XYLT1: variants seen among roughly 807,000 people sequenced by gnomAD.
The protein encoded by XYLT1 is xylosyltransferase 1.
A neutral mutation model predicts 91.3 loss-of-function variants in XYLT1; 36 were observed. That is an observed-to-expected ratio of 0.39 (90% CI 0.30 to 0.52). The LOEUF is 0.52. Ranked by LOEUF, XYLT1 falls within the 20% of genes least tolerant of loss-of-function variation. The pLI, the probability that XYLT1 is intolerant of heterozygous loss-of-function variation, is 0.68. For missense variants in XYLT1, 1,242 were observed against 1,284.5 expected (o/e 0.97, Z 0.51); for synonymous variants, 588 against 532.0 (o/e 1.11, Z -1.45).
At chr16:17,318,267 G>A (rs2034666227) in intron 2 of XYLT1, among the ~76,000 whole-genome samples, 1 of 152,176 alleles carries the variant, frequency 6.6e-6, no homozygotes, top group African/African-American at 2.4e-5. Context: ...CCAAAGCCGG[G>A]GCTCTTAACC....
At chr16:17,184,329 G>A (rs117771778) in intron 5 of XYLT1, among the ~76,000 whole-genome samples, 3 of 151,908 alleles carry the variant, frequency 2.0e-5, no homozygotes, top group Non-Finnish European at 4.4e-5. Flanking sequence ...GGAGAGGGAG[G>A]GATTCGGAAG....
intron 1 of XYLT1, among the ~76,000 whole-genome samples, chr16:17,402,265 A>T (rs1203574011): frequency 6.6e-6 from 1 of 152,084 alleles, no homozygotes; most frequent in African/African-American, 2.4e-5. Flanking sequence ...GGCTGCAGTG[A>T]GCCGTCATTG....
chr16:17,217,083 C>G (rs1448100362), intron 3 of XYLT1, among the ~76,000 whole-genome samples: 1 of 152,184 alleles, frequency 6.6e-6, no homozygotes, highest in Admixed American at 6.5e-5. Context: ...CAACAGGGTT[C>G]ACAACAGTGG....
intron 6 of XYLT1, among the ~76,000 whole-genome samples, chr16:17,152,738 G>A (rs2031311136): frequency 6.6e-6 from 1 of 152,196 alleles, no homozygotes; most frequent in African/African-American, 2.4e-5. Context: ...GCTGCCTCTG[G>A]CAGATGGGGT....
intron 8 of XYLT1, among the ~76,000 whole-genome samples, chr16:17,136,883 G>A (rs950016180): frequency 6.6e-6 from 1 of 152,080 alleles, no homozygotes; most frequent in Non-Finnish European, 1.5e-5. Flanking sequence ...GTGCCTGGGG[G>A]AGTGCAGGGC....
intron 1 of XYLT1, among the ~76,000 whole-genome samples, chr16:17,460,861 G>C (rs2036810759): frequency 6.6e-6 from 1 of 152,206 alleles, no homozygotes; most frequent in Non-Finnish European, 1.5e-5. Flanking sequence ...CCATGGATTT[G>C]AAAGTCCTCC....
intron 1 of XYLT1, among the ~76,000 whole-genome samples, chr16:17,448,224 C>G (rs1381111583): frequency 6.6e-6 from 1 of 152,130 alleles, no homozygotes; most frequent in Non-Finnish European, 1.5e-5. Context: ...AAAAATTAGC[C>G]AGGCGTGATG....
chr16:17,211,540 A>G (rs2032756866), intron 3 of XYLT1, among the ~76,000 whole-genome samples: 1 of 152,200 alleles, frequency 6.6e-6, no homozygotes, highest in African/African-American at 2.4e-5. Context: ...TTCACTCATG[A>G]GGCTTTTACC....
rs143943003 is a variant in XYLT1 at position 17,138,163 on chromosome 16, G to GGTTAGAACATCCCTGAA, written c.1764+175_1764+191dup. 86,536 of 588,726 alleles carry GGTTAGAACATCCCTGAA rather than the reference G, an allele frequency of 0.15. 8,521 individuals carry two copies. Among genetic ancestry groups the GGTTAGAACATCCCTGAA allele is most frequent in the Admixed American group, 0.28 (9,158 of 33,026 alleles). 36.5% of individuals were successfully genotyped at this position (588,726 alleles called of 1,614,324 possible). A position where few individuals can be genotyped will look rare whatever the true frequency, so the allele number is the denominator to read the frequency against. ...TGTTTTTGGGTTAATGAGTCAATGT[G>GGTTAGAACATCCCTGAA]GTTAGAACATCCCTGAAGTAAGTGC... On this transcript the variant is annotated intron_variant, in intron 8 of 11. Transcript: ENST00000261381.
intron 9 of XYLT1, among the ~76,000 whole-genome samples, chr16:17,129,656 A>AG (rs2030397399): frequency 3.9e-5 from 6 of 152,304 alleles, no homozygotes; most frequent in African/African-American, 1.4e-4. Context: ...AGACTTTGGG[A>AG]AAGCTGTCTC....
At chr16:17,117,201 C>T (rs7199521) in intron 11 of XYLT1, among the ~76,000 whole-genome samples, 1 of 152,144 alleles carries the variant, frequency 6.6e-6, no homozygotes, top group Non-Finnish European at 1.5e-5. Context: ...AAATTCTGAA[C>T]ATGAGTACTT....
chr16:17,389,937 G>A (rs923609685), intron 1 of XYLT1, among the ~76,000 whole-genome samples: 1 of 152,192 alleles, frequency 6.6e-6, no homozygotes, highest in South Asian at 2.1e-4. Context: ...TCAGGGAAGG[G>A]AATCGTGTCA....
intron 1 of XYLT1, among the ~76,000 whole-genome samples, chr16:17,400,104 A>C (rs935880959): frequency 6.6e-6 from 1 of 152,222 alleles, no homozygotes; most frequent in African/African-American, 2.4e-5. Flanking sequence ...CTCTCCTGGC[A>C]ACAGCAGCTT....
rs575175333 is a variant in XYLT1 at position 17,299,467 on chromosome 16, C to A, written c.403-39969G>T. Among the ~76,000 whole-genome samples, 9 of 152,336 alleles carry A rather than the reference C, an allele frequency of 5.9e-5. No individual in the cohort carries two copies. The East Asian group carries it at 1.5e-3, about 26-fold the overall frequency. On this transcript the variant is annotated intron_variant, in intron 2 of 11. Coordinates refer to ENST00000261381, the MANE Select transcript of XYLT1 (RefSeq NM_022166.4). The stretch of plus-strand genomic sequence containing the variant: ...TTCCAGAACAAACTATTGCCAAACA[C>A]CATTGAGTTTAATTACTCAGATGAT...
intron 2 of XYLT1, among the ~76,000 whole-genome samples, chr16:17,299,846 C>A (rs1482402395): frequency 6.6e-6 from 1 of 152,196 alleles, no homozygotes; most frequent in East Asian, 1.9e-4. Context: ...TGCTTTTCCC[C>A]CATCCTGGTG....
intron 3 of XYLT1, among the ~76,000 whole-genome samples, chr16:17,209,993 CAA>C (rs2032728459): frequency 6.6e-6 from 1 of 152,108 alleles, no homozygotes; most frequent in East Asian, 1.9e-4. Flanking sequence ...ACTCCAGGCT[CAA>C]GAGATCCTCC....
intron 9 of XYLT1, among the ~76,000 whole-genome samples, chr16:17,131,678 T>C (rs7193763): frequency 0.95 from 145,076 of 152,300 alleles, 69,157 homozygotes; most frequent in Middle Eastern, 0.98. Flanking sequence ...CTGCAATGCA[T>C]ATGTGTTAGT....
intron 1 of XYLT1, among the ~76,000 whole-genome samples, chr16:17,455,876 T>C (rs2036734947): frequency 6.6e-6 from 1 of 152,186 alleles, no homozygotes; most frequent in Non-Finnish European, 1.5e-5. Context: ...CGCTGGACTC[T>C]CACAAAGGAA....
At chr16:17,320,943 A>G (rs1030563740) in intron 2 of XYLT1, among the ~76,000 whole-genome samples, 1 of 152,074 alleles carries the variant, frequency 6.6e-6, no homozygotes, top group Non-Finnish European at 1.5e-5. Context: ...AGCACTTTTT[A>G]TGCCTTGTAT....
Sources: gnomAD v4.1 joint callset for allele counts (sites outside exome capture counted in the v4.1 genomes callset) on GRCh38, gnomAD v4.1.1 for gene constraint, MANE v1.5 for transcripts, NCBI Gene and HGNC (gene_info 2026-07-23, HGNC 2026-07-21) for gene names.